Variants in GALNT2 observed in about 807,000 individuals in gnomAD.
GALNT2 encodes the protein UDP-GalNAc:polypeptide N-acetylgalactosaminyltransferase 2.
GALNT2 carries 31 observed loss-of-function variants against 81.4 expected under a neutral mutation model. That is an observed-to-expected ratio of 0.38 (90% confidence interval 0.29 to 0.51). GALNT2 has a LOEUF of 0.51. GALNT2 is among the 20% of genes least tolerant of loss of function. The pLI is 0.87. For synonymous variants in GALNT2, 303 were observed against 287.4 expected (o/e 1.05, Z -0.55); for missense variants, 629 against 765.7 (o/e 0.82, Z 2.11).
At chr1:230,236,195 G>C in intron 4 of GALNT2, 83 bp downstream of exon 4, 2 of 1,445,152 alleles carry the variant, frequency 1.4e-6, no homozygotes, top group Non-Finnish European at 1.9e-6. Context: ...GGCTGTCAGT[G>C]GGGGCTGCAG....
intron 2 of GALNT2, among the ~76,000 whole-genome samples, chr1:230,187,485 C>A (rs936859817): frequency 7.5e-5 from 11 of 147,600 alleles, no homozygotes; most frequent in African/African-American, 2.7e-4. Flanking sequence ...TCTGTGCAGC[C>A]CCCCGGCAGC....
In GALNT2 at chr1:230,279,317, C is replaced by T. The variant is rs778844648; in HGVS notation, c.1575C>T (p.Ile525=). The change falls in exon 16 of 16, where the codon ATC becomes ATT. Residue 525 remains isoleucine, a synonymous_variant. Coordinates refer to ENST00000366672, the MANE Select transcript of GALNT2 (RefSeq NM_004481.5). This position sits in a 1 kb window ranked among gnomAD's most constrained non-coding sequence, Gnocchi z 4.6. ...GTGTCTTGCAGAAATGGGAACAGAT[C>T]GAGGGCAACTCCAAGCTGAGGCACG... ...ENDSRQKWEQ[I]EGNSKLRHVG... is the part of the protein sequence containing the mutation. 8.7e-6 allele frequency: 14 copies of T among 1,613,936 alleles called. No homozygotes were observed. Among genetic ancestry groups the T allele is most frequent in the Admixed American group, 1.7e-5 (1 of 60,004 alleles).
Position 230,099,250 on chromosome 1 carries a change from C to T in GALNT2, c.126+31844C>T, listed in dbSNP as rs1033855341. Among the ~76,000 whole-genome samples the T allele has an allele frequency of 7.2e-5, 11 of 152,160 alleles. 1 individual carries two copies. Among genetic ancestry groups the T allele is most frequent in the Admixed American group, 7.2e-4 (11 of 15,282 alleles). On this transcript the variant is annotated intron_variant, in intron 1 of 15. Transcript: ENST00000366672. ...CTTTCCTTAAGGGCACCATTTGGTC[C>T]CTTTTGTCAAACCCATTTGCTTACA...
intron 3 of GALNT2, among the ~76,000 whole-genome samples, chr1:230,220,959 C>G (rs537928758): frequency 6.6e-6 from 1 of 152,116 alleles, no homozygotes; most frequent in Non-Finnish European, 1.5e-5. Flanking sequence ...TTAAATACAC[C>G]GAATTACTCA....
intron 1 of GALNT2, among the ~76,000 whole-genome samples, chr1:230,174,396 C>T (rs1451886115): frequency 1.3e-5 from 2 of 152,166 alleles, no homozygotes; most frequent in Non-Finnish European, 2.9e-5. Context: ...TTTCACAACC[C>T]CAGATTTGTG....
chr1:230,096,191 G>C (rs1307555821), intron 1 of GALNT2, among the ~76,000 whole-genome samples: 1 of 152,138 alleles, frequency 6.6e-6, no homozygotes, highest in Admixed American at 6.5e-5. Flanking sequence ...GTGTCCTCTT[G>C]CTAGCACCTG....
intron 1 of GALNT2, among the ~76,000 whole-genome samples, chr1:230,166,457 A>G (rs956878095): frequency 5.3e-5 from 8 of 152,100 alleles, no homozygotes; most frequent in Non-Finnish European, 7.4e-5. Context: ...GGGTCATATC[A>G]TTTTACCAAC....
chr1:230,135,111 T>G (rs577694943), intron 1 of GALNT2, among the ~76,000 whole-genome samples: 73 of 144,788 alleles, frequency 5.0e-4, no homozygotes, highest in African/African-American at 1.7e-3. Flanking sequence ...ACCATCATTT[T>G]GTCAATTTTA....
chr1:230,236,469 A>T (rs746903042), intron 5 of GALNT2, 49 bp downstream of exon 5: 1 of 1,584,960 alleles, frequency 6.3e-7, no homozygotes, highest in South Asian at 1.1e-5. Flanking sequence ...TTCTCTGGGC[A>T]CCAGTCTTCC....
chr1:230,121,660 A>T (rs967373061), intron 1 of GALNT2, among the ~76,000 whole-genome samples: 2 of 152,144 alleles, frequency 1.3e-5, no homozygotes, highest in African/African-American at 4.8e-5. Flanking sequence ...TGCCATCATC[A>T]TAAGCAATAA....
intron 1 of GALNT2, among the ~76,000 whole-genome samples, chr1:230,108,055 GC>G (rs1270656120): frequency 2.0e-5 from 3 of 152,322 alleles, no homozygotes; most frequent in Non-Finnish European, 4.4e-5. Flanking sequence ...CATTCATAGG[GC>G]TCACTGGCTT....
chr1:230,275,477 A>G lies in GALNT2; in HGVS notation c.1560+913A>G, dbSNP rs918782869. On this transcript the variant is annotated intron_variant, in intron 15 of 15. Transcript: ENST00000366672. This position sits in a 1 kb window ranked among gnomAD's most constrained non-coding sequence, Gnocchi z 5.5. ...ATATATACATATATACAAACACCACATATATATACATATACACACACACAC... is the reference window on the plus strand; with the variant it reads ...ATATATACATATATACAAACACCACGTATATATACATATACACACACACAC... 2.0e-5 allele frequency among the ~76,000 whole-genome samples: 3 copies of G among 151,550 alleles called. No individual in the cohort carries two copies. The South Asian group carries it at 6.2e-4, about 31-fold the overall frequency.
At chr1:230,267,958 G>A (rs2102770980) in intron 14 of GALNT2, among the ~76,000 whole-genome samples, 1 of 152,332 alleles carries the variant, frequency 6.6e-6, no homozygotes, top group South Asian at 2.1e-4. Context: ...TGGTCCAGGT[G>A]TGACTGGAGG....
At chr1:230,199,439 T>C (rs549410112) in intron 2 of GALNT2, among the ~76,000 whole-genome samples, 1 of 152,226 alleles carries the variant, frequency 6.6e-6, no homozygotes, top group Non-Finnish European at 1.5e-5. Flanking sequence ...TTCCAAATTA[T>C]GGGTTGTGAC....
intron 14 of GALNT2, among the ~76,000 whole-genome samples, chr1:230,268,788 G>A (rs1050372309): frequency 3.3e-5 from 5 of 152,154 alleles, no homozygotes; most frequent in African/African-American, 9.7e-5. Context: ...CCTGTGTCCC[G>A]CCTTCAGGGC....
At chr1:230,133,397 C>A (rs932564218) in intron 1 of GALNT2, among the ~76,000 whole-genome samples, 2 of 151,544 alleles carry the variant, frequency 1.3e-5, no homozygotes, top group Non-Finnish European at 2.9e-5. Flanking sequence ...CAAATAAAAT[C>A]TTTGTTTATT....
At position 230,194,309 on chromosome 1, in the gene GALNT2, C is replaced by T. The variant is rs1043423646; in HGVS notation, c.221-8828C>T. On this transcript the variant is annotated intron_variant, in intron 2 of 15. Transcript: ENST00000366672. ...GGTAGTGGCTAGTCAGGACAGTGGG[C>T]AGGGATGCGTCCTGCAGAATGGACC... Among the ~76,000 whole-genome samples the T allele has an allele frequency of 2.0e-5, 3 of 152,292 alleles. No homozygotes were observed. In the East Asian group the frequency reaches 5.8e-4, roughly 29 times the overall value.
At position 230,236,021 on chromosome 1, in the gene GALNT2, C is replaced by T. The variant is rs779465339; in HGVS notation, c.382C>T (p.Arg128Trp). ...IPDTRHDQCQ[R>W]KQWRVDLPAT... ...ATCTTTCTCTTCCTGCAGGTGTCAGCGGAAGCAGTGGCGGGTGGATCTGCC... is the reference window on the plus strand; with the variant it reads ...ATCTTTCTCTTCCTGCAGGTGTCAGTGGAAGCAGTGGCGGGTGGATCTGCC... Residue 128 changes from arginine to tryptophan, a missense_variant, in exon 4 of 16, where the codon CGG becomes TGG. By Grantham distance (101) the Arg-to-Trp change is moderately radical. Coordinates refer to ENST00000366672, the MANE Select transcript of GALNT2 (RefSeq NM_004481.5). The T allele has an allele frequency of 2.4e-5, 39 of 1,613,842 alleles. No individual in the cohort carries two copies. In the South Asian group the frequency reaches 2.5e-4, roughly 10 times the overall value.
At chr1:230,142,017 TC>T (rs1189012284) in intron 1 of GALNT2, among the ~76,000 whole-genome samples, 1 of 152,100 alleles carries the variant, frequency 6.6e-6, no homozygotes, top group African/African-American at 2.4e-5. Flanking sequence ...GGTCTTGAAC[TC>T]CTGGCCTCAA....
Sources: allele counts gnomAD v4.1 joint callset (sites outside exome capture counted in the v4.1 genomes callset), GRCh38; gene constraint gnomAD v4.1.1; non-coding constraint Gnocchi (gnomAD v3.1); transcripts MANE v1.5; gene names NCBI Gene and HGNC (gene_info 2026-07-23, HGNC 2026-07-21).